TMEM156: variants seen among roughly 807,000 people sequenced by gnomAD.
TMEM156 encodes transmembrane protein 156.
A neutral mutation model predicts 30.5 loss-of-function variants in TMEM156; 28 were observed. The ratio of observed to expected loss-of-function variants is 0.92; its 90% CI spans 0.68 to 1.26. The LOEUF is 1.26. Ranked by LOEUF, TMEM156 falls within the 50% of genes most tolerant of loss-of-function variation. TMEM156 has a pLI of 0.00. For missense variants in TMEM156, 351 were observed against 340.6 expected, an observed-to-expected ratio of 1.03 and a Z score of -0.24; for synonymous variants, 137 against 119.9, an observed-to-expected ratio of 1.14 and a Z score of -0.93.
At chr4:38,999,115 T>TTATTTA (rs1560372092) in intron 1 of TMEM156, among the ~76,000 whole-genome samples, 2 of 72,148 alleles carry the variant, frequency 2.8e-5, no homozygotes, top group African/African-American at 8.3e-5. Flanking sequence ...TATTTATTTT[T>TTATTTA]TTTTTTTTTT....
intron 5 of TMEM156, among the ~76,000 whole-genome samples, chr4:38,984,725 A>G (rs1560360618): frequency 6.6e-6 from 1 of 152,158 alleles, no homozygotes; most frequent in Non-Finnish European, 1.5e-5. Context: ...AATAAGAAAG[A>G]GTCTGCCTCT....
At chr4:39,002,766 C>T (rs997609447) in intron 1 of TMEM156, among the ~76,000 whole-genome samples, 15 of 150,488 alleles carry the variant, frequency 1.0e-4, no homozygotes, top group Non-Finnish European at 1.9e-4. Context: ...TCATCATTCT[C>T]AGTAAACTAT....
chr4:39,002,223 G>A (rs1713413500), intron 1 of TMEM156, among the ~76,000 whole-genome samples: 1 of 151,200 alleles, frequency 6.6e-6, no homozygotes, highest in Admixed American at 6.6e-5. Context: ...AGTGGGCGAA[G>A]GACATGAACA....
At chr4:38,985,133 CAT>C (rs199737639) in intron 5 of TMEM156, among the ~76,000 whole-genome samples, 4 of 152,318 alleles carry the variant, frequency 2.6e-5, no homozygotes, top group Middle Eastern at 3.4e-3. Context: ...TATTTGGACA[CAT>C]GTACTGAGTA....
chr4:39,030,292 A>T (rs1365708360), intron 1 of TMEM156, among the ~76,000 whole-genome samples: 1 of 152,152 alleles, frequency 6.6e-6, no homozygotes, highest in Non-Finnish European at 1.5e-5. Context: ...CAGTAAAGGT[A>T]GTATTGGGAG....
intron 5 of TMEM156, among the ~76,000 whole-genome samples, chr4:38,981,833 T>C (rs1195260847): frequency 1.3e-5 from 2 of 152,204 alleles, no homozygotes; most frequent in Non-Finnish European, 2.9e-5. Context: ...GGAAGCTCTA[T>C]AAAGGCAAGG....
intron 5 of TMEM156, among the ~76,000 whole-genome samples, chr4:38,974,621 T>A (rs1722761876): frequency 6.6e-6 from 1 of 152,188 alleles, no homozygotes. Context: ...GTTTTATACA[T>A]TTTTCCCAGA....
chr4:38,999,288 TA>T (rs1194138877), intron 1 of TMEM156, among the ~76,000 whole-genome samples: 1 of 152,024 alleles, frequency 6.6e-6, no homozygotes, highest in African/African-American at 2.4e-5. Context: ...AGCCAATTTT[TA>T]AAAAATTATT....
intron 3 of TMEM156, among the ~76,000 whole-genome samples, chr4:38,992,687 T>G (rs1712564500): frequency 2.4e-5 from 1 of 42,220 alleles, no homozygotes; most frequent in Non-Finnish European, 4.9e-5. Flanking sequence ...ATATATTATA[T>G]AATATATTAT....
At chr4:39,016,940 A>T (rs1011055945) in intron 1 of TMEM156, among the ~76,000 whole-genome samples, 12 of 152,134 alleles carry the variant, frequency 7.9e-5, no homozygotes, top group Admixed American at 6.6e-5. Context: ...GGAAGAGCAA[A>T]GAGATGTCTT....
At chr4:38,983,970 A>T (rs1004167507) in intron 5 of TMEM156, among the ~76,000 whole-genome samples, 6 of 152,232 alleles carry the variant, frequency 3.9e-5, no homozygotes, top group African/African-American at 1.4e-4. Context: ...GCCAGATATT[A>T]TGCTAGCAAC....
At chr4:38,996,898 T>G (rs147855655) in intron 2 of TMEM156, among the ~76,000 whole-genome samples, 1 of 152,178 alleles carries the variant, frequency 6.6e-6, no homozygotes, top group East Asian at 1.9e-4. Context: ...ACTAGATAGA[T>G]AGGTATCTGG....
intron 1 of TMEM156, among the ~76,000 whole-genome samples, chr4:39,029,586 C>T (rs1715401219): frequency 2.3e-5 from 1 of 43,014 alleles, no homozygotes; most frequent in Admixed American, 2.6e-4. Flanking sequence ...TGGTAGCGGG[C>T]GCCTGTAGTC....
chr4:39,011,292 G>T (rs1714102113), intron 1 of TMEM156, among the ~76,000 whole-genome samples: 1 of 152,344 alleles, frequency 6.6e-6, no homozygotes, highest in Non-Finnish European at 1.5e-5. Flanking sequence ...TTTATATGCT[G>T]TTAGTGGAAA....
intron 5 of TMEM156, among the ~76,000 whole-genome samples, chr4:38,979,694 A>G (rs532285543): frequency 6.6e-6 from 1 of 152,308 alleles, no homozygotes; most frequent in Admixed American, 6.5e-5. Flanking sequence ...ATGGCAATAA[A>G]TGTCTAAACA....
chr4:39,015,756 TG>T (rs1205505112), intron 1 of TMEM156, among the ~76,000 whole-genome samples: 2 of 152,160 alleles, frequency 1.3e-5, no homozygotes, highest in African/African-American at 4.8e-5. Context: ...CCTCATGTTG[TG>T]GGAGGGACCC....
chr4:39,023,222 T>C (rs1714984520), intron 1 of TMEM156, among the ~76,000 whole-genome samples: 1 of 152,208 alleles, frequency 6.6e-6, no homozygotes, highest in Non-Finnish European at 1.5e-5. Context: ...ATACTGGTCT[T>C]GGATTTCCAA....
intron 1 of TMEM156, among the ~76,000 whole-genome samples, chr4:39,002,399 G>A (rs1713428415): frequency 6.9e-6 from 1 of 145,218 alleles, no homozygotes; most frequent in African/African-American, 2.5e-5. Flanking sequence ...TGCTGGAGAG[G>A]ATGTGGAGAA....
intron 3 of TMEM156, 44 bp downstream of exon 3, chr4:38,993,694 A>G (rs1406884195): frequency 9.0e-6 from 14 of 1,563,374 alleles, no homozygotes; most frequent in Non-Finnish European, 1.1e-5. Flanking sequence ...TTACATATCT[A>G]TATCGGATAA....
Sources: gnomAD v4.1 joint callset for allele counts (sites outside exome capture counted in the v4.1 genomes callset) on GRCh38, gnomAD v4.1.1 for gene constraint, MANE v1.5 for transcripts, NCBI Gene and HGNC (gene_info 2026-07-23, HGNC 2026-07-21) for gene names.